CNTNAP5: variants seen among roughly 807,000 people sequenced by gnomAD.
The protein encoded by CNTNAP5 is contactin-associated protein-like 5.
Under a neutral mutation model 150.2 loss-of-function variants are expected in CNTNAP5, and 72 were observed. That is an observed-to-expected ratio of 0.48 (90% CI 0.40 to 0.58). The LOEUF (loss-of-function observed/expected upper bound fraction) is 0.58, where lower values mean the gene tolerates loss of function less well. Among genes scored for constraint, CNTNAP5 ranks in the 20% least tolerant of loss-of-function variants. The pLI is 0.00. For synonymous variants in CNTNAP5, 672 were observed against 619.8 expected, an observed-to-expected ratio of 1.08 and a Z score of -1.25; for missense variants, 1,636 against 1,626.2, an observed-to-expected ratio of 1.01 and a Z score of -0.10.
chr2:124,883,600 A>G (rs919811342), intron 21 of CNTNAP5, among the ~76,000 whole-genome samples: 1 of 152,064 alleles, frequency 6.6e-6, no homozygotes, highest in African/African-American at 2.4e-5. Flanking sequence ...GTGTGTATAC[A>G]TGTATATGTA....
chr2:124,131,124 C>A (rs1215468919), intron 1 of CNTNAP5, among the ~76,000 whole-genome samples: 1 of 152,086 alleles, frequency 6.6e-6, no homozygotes, highest in African/African-American at 2.4e-5. Flanking sequence ...TATCCTTCAC[C>A]TAAGACTTGG....
intron 10 of CNTNAP5, among the ~76,000 whole-genome samples, chr2:124,555,798 T>A (rs1695739901): frequency 6.6e-6 from 1 of 152,236 alleles, no homozygotes; most frequent in Non-Finnish European, 1.5e-5. Flanking sequence ...TGGGTTAATC[T>A]ATTTTAAAGA....
chr2:124,676,870 G>C (rs1306299577), intron 13 of CNTNAP5, among the ~76,000 whole-genome samples: 1 of 152,148 alleles, frequency 6.6e-6, no homozygotes, highest in Non-Finnish European at 1.5e-5. Context: ...GTTAATTTTT[G>C]ACAATTTTGA....
At chr2:124,360,848 G>A (rs750607767) in intron 3 of CNTNAP5, among the ~76,000 whole-genome samples, 4,705 of 126,966 alleles carry the variant, frequency 0.037, 110 homozygotes, top group Middle Eastern at 0.069. Context: ...GAATCTGAAC[G>A]TTGGCCTGCC....
chr2:124,770,222 C>T (rs1221825727), intron 16 of CNTNAP5, among the ~76,000 whole-genome samples: 1 of 152,140 alleles, frequency 6.6e-6, no homozygotes, highest in African/African-American at 2.4e-5. Flanking sequence ...GTATACAAGG[C>T]ACAGTGCTAG....
chr2:124,551,262 G>C (rs1453851063), intron 10 of CNTNAP5, among the ~76,000 whole-genome samples: 1 of 152,090 alleles, frequency 6.6e-6, no homozygotes, highest in Non-Finnish European at 1.5e-5. Context: ...CTGTGAACTA[G>C]ACCCTGGAAA....
intron 11 of CNTNAP5, among the ~76,000 whole-genome samples, chr2:124,594,481 G>A (rs192627316): frequency 0.024 from 3,623 of 151,980 alleles, 76 homozygotes; most frequent in Middle Eastern, 0.11. Flanking sequence ...ACTCTGTTCT[G>A]TTCCATTGAT....
chr2:124,534,769 A>G (rs1695190721), intron 10 of CNTNAP5, among the ~76,000 whole-genome samples: 1 of 152,118 alleles, frequency 6.6e-6, no homozygotes, highest in Non-Finnish European at 1.5e-5. Flanking sequence ...GATCACTTTC[A>G]TCTTGACTTG....
intron 11 of CNTNAP5, among the ~76,000 whole-genome samples, chr2:124,585,984 C>T (rs781045866): frequency 8.5e-5 from 13 of 152,236 alleles, no homozygotes; most frequent in Middle Eastern, 3.4e-3. Context: ...TGAACCTCCT[C>T]ACACAGGATA....
At chr2:124,125,876 A>C (rs1210481613) in intron 1 of CNTNAP5, among the ~76,000 whole-genome samples, 1 of 152,212 alleles carries the variant, frequency 6.6e-6, no homozygotes, top group African/African-American at 2.4e-5. Context: ...GAGAAAAAAG[A>C]CACAACATAC....
At chr2:124,836,594 C>T (rs1368241480) in intron 19 of CNTNAP5, among the ~76,000 whole-genome samples, 2 of 152,070 alleles carry the variant, frequency 1.3e-5, no homozygotes, top group Non-Finnish European at 2.9e-5. Flanking sequence ...AGTAACCTCC[C>T]AGCTCTATGT....
intron 3 of CNTNAP5, among the ~76,000 whole-genome samples, chr2:124,250,261 A>G (rs1687139872): frequency 6.6e-6 from 1 of 152,132 alleles, no homozygotes; most frequent in African/African-American, 2.4e-5. Flanking sequence ...GGTGGGACTG[A>G]GAATTTGCTT....
At chr2:124,068,585 G>A (rs900383466) in intron 1 of CNTNAP5, among the ~76,000 whole-genome samples, 27 of 152,018 alleles carry the variant, frequency 1.8e-4, no homozygotes, top group African/African-American at 6.5e-4. Flanking sequence ...TAGAGCCAAT[G>A]GACTGGGGTG....
At chr2:124,660,049 AG>A (rs1678553818) in intron 13 of CNTNAP5, among the ~76,000 whole-genome samples, 1 of 133,054 alleles carries the variant, frequency 7.5e-6, no homozygotes, top group Non-Finnish European at 1.6e-5. Flanking sequence ...GAAGAAAGGA[AG>A]GAAGGAAGGA....
intron 13 of CNTNAP5, among the ~76,000 whole-genome samples, chr2:124,665,484 C>T (rs1466417301): frequency 6.6e-6 from 1 of 152,068 alleles, no homozygotes. Context: ...TATTTTATTC[C>T]CTTTTTTAGA....
At chr2:124,340,835 G>A (rs1386323268) in intron 3 of CNTNAP5, among the ~76,000 whole-genome samples, 1 of 147,642 alleles carries the variant, frequency 6.8e-6, no homozygotes, top group Non-Finnish European at 1.5e-5. Flanking sequence ...ATATGCGTGT[G>A]CGTGTGTATA....
rs766751204 is a variant in CNTNAP5 at position 124,403,104 on chromosome 2, C to T, written c.382-14339C>T. Among the ~76,000 whole-genome samples, 6 of 152,202 alleles carry T rather than the reference C, an allele frequency of 3.9e-5. No homozygotes were observed. In the South Asian group the frequency reaches 1.2e-3, roughly 31 times the overall value. On this transcript the variant is annotated intron_variant, in intron 3 of 23. Transcript: ENST00000682447. ...TCTAATTACCTCTGTGCTGCTAGTT[C>T]CTCCTTAACTTTAGTTTGTACTCTT...
rs771599485 is a variant in CNTNAP5 at position 124,869,691 on chromosome 2, G to A, written c.3365G>A (p.Arg1122Gln). ...TTCCTGCAGATGGACCAGCAACTTCGACTCAGTTATAACTTCTCTCCGGAA... is the reference window on the plus strand; with the variant it reads ...TTCCTGCAGATGGACCAGCAACTTCAACTCAGTTATAACTTCTCTCCGGAA... ...ELTIQMDQQL[R>Q]LSYNFSPEVE... Residue 1122 changes from arginine to glutamine, a missense_variant, in exon 21 of 24, where the codon CGA becomes CAA. Physicochemically the swap from Arg to Gln is conservative, Grantham distance 43. Transcript: ENST00000682447. 4.2e-5 allele frequency: 68 copies of A among 1,611,488 alleles called. No individual in the cohort carries two copies. Among genetic ancestry groups the A allele is most frequent in the Admixed American group, 2.8e-4 (17 of 59,838 alleles).
chr2:124,470,557 T>C (rs1281006200), intron 6 of CNTNAP5, among the ~76,000 whole-genome samples: 5 of 152,084 alleles, frequency 3.3e-5, no homozygotes, highest in Non-Finnish European at 7.4e-5. Context: ...GCTGTGCAGA[T>C]GCTCTTTAGT....
Sources: gnomAD v4.1 joint callset for allele counts (sites outside exome capture counted in the v4.1 genomes callset) on GRCh38, gnomAD v4.1.1 for gene constraint, MANE v1.5 for transcripts, NCBI Gene and HGNC (gene_info 2026-07-23, HGNC 2026-07-21) for gene names.